Variants in PCDHA1 observed in about 807,000 individuals in gnomAD.
PCDHA1 encodes the protein protocadherin alpha 1.
In PCDHA1, 42 loss-of-function variants were observed where a neutral mutation model predicts 61.3. The observed-to-expected ratio is 0.69, with a 90% CI of 0.54 to 0.89. The LOEUF is 0.89. PCDHA1 is among the 40% of genes least tolerant of loss of function. The probability of loss-of-function intolerance (pLI) is 0.00; values close to 1 mark genes in which losing one functional copy is unlikely to be tolerated. For missense variants in PCDHA1, 1,256 were observed against 1,235.3 expected (o/e 1.02, Z -0.25); for synonymous variants, 610 against 553.8 (o/e 1.10, Z -1.43).
chr5:140,812,838 T>A (rs2126642140), intron 1 of PCDHA1: 1 of 152,368 alleles, frequency 6.6e-6, no homozygotes, highest in East Asian at 1.9e-4. Context: ...TTTGTTTATC[T>A]TAACATATTT....
chr5:140,833,851 C>G (rs148977790), intron 1 of PCDHA1, among the ~76,000 whole-genome samples: 4 of 152,118 alleles, frequency 2.6e-5, no homozygotes, highest in Admixed American at 2.6e-4. Flanking sequence ...TCTTAACAAG[C>G]GATACTGAAT....
intron 1 of PCDHA1, among the ~76,000 whole-genome samples, chr5:140,888,841 C>T (rs2062001270): frequency 1.3e-5 from 2 of 151,998 alleles, no homozygotes; most frequent in Admixed American, 1.3e-4. Flanking sequence ...CCACTGCAGC[C>T]TGGTGACAGA....
intron 3 of PCDHA1, among the ~76,000 whole-genome samples, chr5:140,990,800 A>C (rs1474894854): frequency 3.9e-5 from 6 of 152,216 alleles, no homozygotes; most frequent in Non-Finnish European, 2.9e-5. Context: ...CATGGAATAC[A>C]GAAGAAGCTC....
Position 140,837,615 on chromosome 5 carries a change from CCCTTCCTT to C in PCDHA1, c.2394+48944_2394+48951del, listed in dbSNP as rs528339826. On this transcript the variant is annotated intron_variant, in intron 1 of 3. Transcript: ENST00000504120. ...CCAATATATATATTTTATAATTTGCCCCTTCCTTCCTTCCTTCCTTTCTTTCTTTCTTT... is the reference window on the plus strand; with the variant it reads ...CCAATATATATATTTTATAATTTGCCCCTTCCTTCCTTTCTTTCTTTCTTT... 5.5e-5 allele frequency among the ~76,000 whole-genome samples: 8 copies of C among 145,806 alleles called. 2 individuals are homozygous for C. The highest frequency in any genetic ancestry group is 1.2e-4 in the Non-Finnish European group (8 of 66,858).
chr5:140,885,290 A>G (rs1344746797), intron 1 of PCDHA1, among the ~76,000 whole-genome samples: 2 of 152,190 alleles, frequency 1.3e-5, no homozygotes, highest in African/African-American at 4.8e-5. Context: ...ATATATAGAG[A>G]GAGACCTGGT....
At chr5:140,804,886 C>G in intron 1 of PCDHA1, 6 of 637,684 alleles carry the variant, frequency 9.4e-6, no homozygotes, top group Non-Finnish European at 1.5e-5. Flanking sequence ...TGACTCCTCT[C>G]CTTCCCCTCA....
At chr5:140,910,357 T>C (rs1394310433) in intron 1 of PCDHA1, among the ~76,000 whole-genome samples, 3 of 152,226 alleles carry the variant, frequency 2.0e-5, no homozygotes, top group African/African-American at 7.2e-5. Flanking sequence ...CTGTCCATTA[T>C]GGTAGCTATG....
Position 140,787,404 on chromosome 5 carries a change from A to C in PCDHA1, c.1114A>C (p.Ile372Leu), listed in dbSNP as rs782151614. Residue 372 changes from isoleucine (I) to leucine (L), a missense_variant, in exon 1 of 4, where the codon ATC becomes CTC. Coordinates refer to ENST00000504120, the MANE Select transcript of PCDHA1 (RefSeq NM_018900.4). ...TCCACTCAGCACCGTCATCGCCCTC[A>C]TCACCGTGTCTGACCGTGACTCAGG... ...DAPLSTVIAL[I>L]TVSDRDSGAN... 6.8e-6 allele frequency: 11 copies of C among 1,614,094 alleles called. No homozygotes were observed. In the Admixed American group the frequency reaches 8.3e-5, roughly 12 times the overall value.
intron 1 of PCDHA1, chr5:140,967,773 A>C (rs1285230643): frequency 1.9e-6 from 3 of 1,614,108 alleles, no homozygotes; most frequent in Non-Finnish European, 1.7e-6. Context: ...ATCTATGTGC[A>C]GGCGACTGAC....
At chr5:140,981,537 G>A (rs375537131) in intron 2 of PCDHA1, among the ~76,000 whole-genome samples, 2 of 152,172 alleles carry the variant, frequency 1.3e-5, no homozygotes, top group East Asian at 1.9e-4. Flanking sequence ...TCGTGCCACT[G>A]TACTCCAGCC....
intron 1 of PCDHA1, among the ~76,000 whole-genome samples, chr5:140,820,457 C>T (rs2150107040): frequency 2.0e-5 from 3 of 151,924 alleles, no homozygotes; most frequent in Non-Finnish European, 2.9e-5. Context: ...TCCCTCTTGT[C>T]TTCACAGGTA....
chr5:140,819,030 T>C (rs1554127593), intron 1 of PCDHA1, among the ~76,000 whole-genome samples: 1 of 152,240 alleles, frequency 6.6e-6, no homozygotes, highest in Admixed American at 6.5e-5. Flanking sequence ...TTTTAGCACA[T>C]TCCCTTATAG....
At position 140,787,688 on chromosome 5, in the gene PCDHA1, G is replaced by A. The variant is rs782631592; in HGVS notation, c.1398G>A (p.Glu466=). The change falls in exon 1 of 4, where the codon GAG becomes GAA. Residue 466 remains glutamate (E), a synonymous_variant. Coordinates refer to ENST00000504120, the MANE Select transcript of PCDHA1 (RefSeq NM_018900.4). Reference sequence around the variant, plus strand: ...CCGAGTACACAGTATTCGTGAAGGAGAACAACCCGCCGGGCTGCCACATCT... The same window carrying A: ...CCGAGTACACAGTATTCGTGAAGGAAAACAACCCGCCGGGCTGCCACATCT... ...AQPEYTVFVK[E]NNPPGCHIFT... 1.2e-6 allele frequency: 2 copies of A among 1,613,896 alleles called. No homozygotes were observed. The highest frequency in any genetic ancestry group is 1.1e-5 in the South Asian group (1 of 91,072).
intron 1 of PCDHA1, chr5:140,828,615 G>T: frequency 6.2e-7 from 1 of 1,614,212 alleles, no homozygotes; most frequent in Non-Finnish European, 8.5e-7. Context: ...CTCAGTTCTA[G>T]CGAATACTTC....
At chr5:140,855,376 A>T (rs1239693937) in intron 1 of PCDHA1, among the ~76,000 whole-genome samples, 1 of 150,012 alleles carries the variant, frequency 6.7e-6, no homozygotes, top group Non-Finnish European at 1.5e-5. Context: ...GATAATAGGA[A>T]TCTAAATGGA....
intron 1 of PCDHA1, chr5:140,863,320 CT>C: frequency 6.9e-7 from 1 of 1,445,292 alleles, no homozygotes; most frequent in South Asian, 1.1e-5. Flanking sequence ...GGTGTCCAGC[CT>C]GTTAGTGCTC....
chr5:140,828,658 T>G, intron 1 of PCDHA1: 2 of 1,614,116 alleles, frequency 1.2e-6, no homozygotes, highest in Non-Finnish European at 1.7e-6. Flanking sequence ...GTGATGACAA[T>G]AAACAAATTG....
At chr5:140,969,293 C>A in intron 1 of PCDHA1, 1 of 1,614,186 alleles carries the variant, frequency 6.2e-7, no homozygotes, top group Non-Finnish European at 8.5e-7. Flanking sequence ...TGCTGGGAAC[C>A]TGATTATTCT....
intron 1 of PCDHA1, chr5:140,966,616 G>A: frequency 1.3e-6 from 1 of 788,372 alleles, no homozygotes; most frequent in South Asian, 2.7e-5. Context: ...AGGGCCTACG[G>A]AGGGAGCGGC....
Sources: gnomAD v4.1 joint callset for allele counts (sites outside exome capture counted in the v4.1 genomes callset) on GRCh38, gnomAD v4.1.1 for gene constraint, MANE v1.5 for transcripts, NCBI Gene and HGNC (gene_info 2026-07-23, HGNC 2026-07-21) for gene names.